Variants in CFAP44 observed in about 807,000 individuals in gnomAD.
The protein encoded by CFAP44 is cilia- and flagella-associated protein 44.
A neutral mutation model predicts 216.2 loss-of-function variants in CFAP44; 134 were observed. The ratio of observed to expected loss-of-function variants is 0.62; its 90% CI spans 0.54 to 0.72. CFAP44 has a LOEUF of 0.72. CFAP44 is among the 30% of genes least tolerant of loss of function. CFAP44 has a pLI of 0.00. For synonymous variants in CFAP44, 700 were observed against 727.6 expected, an observed-to-expected ratio of 0.96 and a Z score of 0.61; for missense variants, 2,035 against 2,182.1, an observed-to-expected ratio of 0.93 and a Z score of 1.34.
In CFAP44 at chr3:113,400,615, G is replaced by C. The variant is rs149237909; in HGVS notation, c.1404C>G (p.Phe468Leu). ...ITQDPECLFS[F>L]HSGAIEAVAV... ...CCACGGCTTCAATAGCTCCAGAATG[G>C]AAGGAGAAGAGGCATTCTGGGTCCT... is the stretch of plus-strand genomic sequence containing the variant. The change falls in exon 12 of 35, where the codon TTC becomes TTG. Residue 468 changes from phenylalanine to leucine, a missense_variant. Physicochemically the swap from Phe to Leu is conservative, Grantham distance 22 (BLOSUM62 0). Around this residue, in one of 3 missense-constraint regions of CFAP44, gnomAD observed 1,883 missense variants for 2,023.7 expected, o/e 0.93. Transcript: ENST00000393845. 3.5e-5 allele frequency: 57 copies of C among 1,611,016 alleles called. No individual in the cohort carries two copies. Among genetic ancestry groups the C allele is most frequent in the South Asian group, 1.1e-4 (10 of 90,754 alleles).
intron 12 of CFAP44, 97 bp downstream of exon 12, chr3:113,400,448 A>C: frequency 9.1e-7 from 1 of 1,097,596 alleles, no homozygotes; most frequent in African/African-American, 1.6e-5. Context: ...CTTTTGGGAA[A>C]ATCCCCAAAT....
chr3:113,311,508 C>T (rs544506484), intron 28 of CFAP44, among the ~76,000 whole-genome samples: 12 of 152,316 alleles, frequency 7.9e-5, no homozygotes, highest in Admixed American at 3.9e-4. Flanking sequence ...CCTTTCACCT[C>T]CTGCCATGTT....
Position 113,333,572 on chromosome 3 carries a change from T to C in CFAP44, c.3449A>G (p.Lys1150Arg). The C allele has an allele frequency of 1.3e-6, 2 of 1,531,876 alleles. No individual in the cohort carries two copies. Among genetic ancestry groups the C allele is most frequent in the East Asian group, 2.4e-5 (1 of 40,848 alleles). 94.9% of individuals were successfully genotyped at this position (1,531,876 alleles called of 1,614,324 possible). A position where few individuals can be genotyped will look rare whatever the true frequency, so the allele number is the denominator to read the frequency against. The change falls in exon 25 of 35, where the codon AAA becomes AGA. Residue 1150 changes from lysine (K) to arginine (R), a missense_variant. Lys to Arg is a conservative substitution (Grantham distance 26). Around this residue, in one of 3 missense-constraint regions of CFAP44, gnomAD observed 1,883 missense variants for 2,023.7 expected, o/e 0.93. Coordinates refer to ENST00000393845, the MANE Select transcript of CFAP44 (RefSeq NM_001164496.2). ...KKEWEELYKS[K>R]PGDDYEDPKD... ...GGGATCTTCATAGTCATCACCAGGT[T>C]TACTCTTGTATCTATTAGAAAAACA...
At chr3:113,412,864 T>C (rs1433530420) in intron 6 of CFAP44, among the ~76,000 whole-genome samples, 1 of 152,212 alleles carries the variant, frequency 6.6e-6, no homozygotes, top group Non-Finnish European at 1.5e-5. Flanking sequence ...AGCAGAATGA[T>C]TTATATTCCT....
intron 29 of CFAP44, 50 bp downstream of exon 29, chr3:113,308,108 C>T (rs1240490955): frequency 7.1e-7 from 1 of 1,401,574 alleles, no homozygotes; most frequent in African/African-American, 1.4e-5. Context: ...CCCAGTATTG[C>T]CAATCAATAT....
At chr3:113,339,567 G>T (rs973128651) in intron 24 of CFAP44, among the ~76,000 whole-genome samples, 1 of 152,180 alleles carries the variant, frequency 6.6e-6, no homozygotes, top group Non-Finnish European at 1.5e-5. Flanking sequence ...CATGAAGCAT[G>T]GTCTCCTTCC....
intron 34 of CFAP44, among the ~76,000 whole-genome samples, chr3:113,292,666 C>G (rs949075001): frequency 6.6e-6 from 1 of 152,204 alleles, no homozygotes; most frequent in Non-Finnish European, 1.5e-5. Flanking sequence ...CCAAGTCAAG[C>G]TGGAAGCAGA....
At chr3:113,396,198 CTA>C (rs1343551756) in intron 14 of CFAP44, among the ~76,000 whole-genome samples, 4 of 152,168 alleles carry the variant, frequency 2.6e-5, no homozygotes, top group Non-Finnish European at 4.4e-5. Flanking sequence ...AAGAACATAA[CTA>C]TGCTGAATAA....
chr3:113,403,905 T>A lies in CFAP44; in HGVS notation c.1117A>T (p.Ile373Leu), dbSNP rs774284726. 2 of 1,614,188 alleles carry A rather than the reference T, an allele frequency of 1.2e-6. No homozygotes were observed. Among genetic ancestry groups the A allele is most frequent in the South Asian group, 1.1e-5 (1 of 91,080 alleles). Residue 373 changes from isoleucine (I) to leucine (L), a missense_variant, in exon 9 of 35, where the codon ATA becomes TTA. Coordinates refer to ENST00000393845, the MANE Select transcript of CFAP44 (RefSeq NM_001164496.2). ...KSCHNGPINQ[I>L]MLYEGEVITV... Reference sequence around the variant, plus strand: ...ATAACTTCACCCTCATACAGCATTATCTGGTTAATGGGACCATTGTGACAT... The same window carrying A: ...ATAACTTCACCCTCATACAGCATTAACTGGTTAATGGGACCATTGTGACAT...
At chr3:113,302,938 G>C (rs1949952650) in intron 32 of CFAP44, among the ~76,000 whole-genome samples, 1 of 152,032 alleles carries the variant, frequency 6.6e-6, no homozygotes, top group South Asian at 2.1e-4. Context: ...GGACAGGCAA[G>C]TTACAGAAAA....
intron 24 of CFAP44, among the ~76,000 whole-genome samples, chr3:113,334,195 C>T (rs1176840188): frequency 6.6e-6 from 1 of 152,140 alleles, no homozygotes; most frequent in African/African-American, 2.4e-5. Context: ...CATGATCCGC[C>T]CACCTCAGCC....
At chr3:113,405,232 T>C (rs1008268793) in intron 8 of CFAP44, among the ~76,000 whole-genome samples, 2 of 152,200 alleles carry the variant, frequency 1.3e-5, no homozygotes, top group African/African-American at 4.8e-5. Flanking sequence ...ACTTTACTGA[T>C]TCTGTTCTTA....
intron 28 of CFAP44, among the ~76,000 whole-genome samples, chr3:113,313,882 A>C (rs1434128825): frequency 2.6e-5 from 4 of 152,226 alleles, no homozygotes; most frequent in Admixed American, 2.0e-4. Context: ...TGTCTTTATC[A>C]GCAGTGTGAG....
At chr3:113,293,734 C>T (rs1461399706) in intron 34 of CFAP44, among the ~76,000 whole-genome samples, 3 of 152,212 alleles carry the variant, frequency 2.0e-5, no homozygotes, top group African/African-American at 7.2e-5. Context: ...GTCTTCCTTT[C>T]ACATCTAATC....
At chr3:113,322,901 G>A (rs555156650) in intron 28 of CFAP44, among the ~76,000 whole-genome samples, 5 of 152,290 alleles carry the variant, frequency 3.3e-5, no homozygotes, top group East Asian at 3.9e-4. Flanking sequence ...GGCTGGGGAC[G>A]CCTCAGGAAA....
At chr3:113,365,912 C>T in intron 19 of CFAP44, 127 bp downstream of exon 19, 1 of 1,013,892 alleles carries the variant, frequency 9.9e-7, no homozygotes, top group Non-Finnish European at 1.4e-6. Context: ...ATAATAGTAG[C>T]AGGAAGATTA....
chr3:113,306,594 A>C (rs897316333), intron 29 of CFAP44, among the ~76,000 whole-genome samples: 1 of 152,208 alleles, frequency 6.6e-6, no homozygotes, highest in Non-Finnish European at 1.5e-5. Context: ...TATCTCACTC[A>C]AGGCTCATAG....
chr3:113,306,303 G>A lies in CFAP44; in HGVS notation c.4656C>T (p.Ala1552=), dbSNP rs1949984957. 6.5e-7 allele frequency: 1 copy of A among 1,535,642 alleles called. No individual in the cohort carries two copies. The highest frequency in any genetic ancestry group is 8.7e-7 in the Non-Finnish European group (1 of 1,146,410). ...CCAGCCTTTTCTCTCGAAGGTGAAG[G>A]GCCAGCTCAAAAAGAGCCACATCAC... ...TNCDVALFEL[A]LHLREKRLDI... The change falls in exon 30 of 35, where the codon GCC becomes GCT. Residue 1552 remains alanine (A), a synonymous_variant. Coordinates refer to ENST00000393845, the MANE Select transcript of CFAP44 (RefSeq NM_001164496.2).
chr3:113,315,427 T>C (rs930473750), intron 28 of CFAP44, among the ~76,000 whole-genome samples: 2 of 152,080 alleles, frequency 1.3e-5, no homozygotes, highest in Admixed American at 1.3e-4. Flanking sequence ...TGTAAAATAT[T>C]TGAAGCAAAA....
Sources: allele counts gnomAD v4.1 joint callset (sites outside exome capture counted in the v4.1 genomes callset), GRCh38; gene constraint gnomAD v4.1.1; regional missense constraint gnomAD v4.1.1; transcripts MANE v1.5; gene names NCBI Gene and HGNC (gene_info 2026-07-23, HGNC 2026-07-21).